Variants in VWC2L observed in about 807,000 individuals in gnomAD.
VWC2L encodes the protein von Willebrand factor C domain containing 2 like.
Under a neutral mutation model 21.6 loss-of-function variants are expected in VWC2L, and 10 were observed. That is an observed-to-expected ratio of 0.46 (90% CI 0.29 to 0.78). The LOEUF (loss-of-function observed/expected upper bound fraction) is 0.78. Among genes scored for constraint, VWC2L ranks in the 30% least tolerant of loss-of-function variants. The pLI, the probability that VWC2L is intolerant of heterozygous loss-of-function variation, is 0.10. For synonymous variants in VWC2L, 96 were observed against 94.3 expected (o/e 1.02, Z -0.10); for missense variants, 209 against 277.1 (o/e 0.75, Z 1.74).
intron 3 of VWC2L, among the ~76,000 whole-genome samples, chr2:214,525,661 A>G (rs532857059): frequency 1.3e-5 from 2 of 152,340 alleles, no homozygotes; most frequent in African/African-American, 4.8e-5. Flanking sequence ...CCATGCTCCC[A>G]GATCCATCAG....
At chr2:214,482,486 T>G (rs1688616344) in intron 3 of VWC2L, among the ~76,000 whole-genome samples, 1 of 151,352 alleles carries the variant, frequency 6.6e-6, no homozygotes, top group African/African-American at 2.4e-5. Context: ...CGTGTATGTA[T>G]GTATGTATGT....
intron 3 of VWC2L, among the ~76,000 whole-genome samples, chr2:214,496,053 A>G (rs1369857495): frequency 6.6e-6 from 1 of 152,076 alleles, no homozygotes; most frequent in Non-Finnish European, 1.5e-5. Context: ...AGCTTACTAC[A>G]CACTTACGCT....
intron 3 of VWC2L, among the ~76,000 whole-genome samples, chr2:214,539,858 A>AT (rs894785355): frequency 6.6e-6 from 1 of 152,182 alleles, no homozygotes; most frequent in Non-Finnish European, 1.5e-5. Flanking sequence ...CACTAAAATA[A>AT]TTTTTTAAAG....
intron 3 of VWC2L, among the ~76,000 whole-genome samples, chr2:214,454,984 A>G (rs1289013024): frequency 2.0e-5 from 3 of 152,120 alleles, no homozygotes; most frequent in African/African-American, 7.2e-5. Flanking sequence ...TTAATTTGCA[A>G]AAAATTTTTT....
chr2:214,484,651 T>C (rs1245499733), intron 3 of VWC2L, among the ~76,000 whole-genome samples: 1 of 152,222 alleles, frequency 6.6e-6, no homozygotes, highest in Non-Finnish European at 1.5e-5. Flanking sequence ...TTTTAAGATA[T>C]GGCATCGGGC....
At chr2:214,538,210 G>A (rs79571027) in intron 3 of VWC2L, among the ~76,000 whole-genome samples, 1 of 151,956 alleles carries the variant, frequency 6.6e-6, no homozygotes, top group African/African-American at 2.4e-5. Flanking sequence ...ACCGCTAAAT[G>A]GCTCTTCATG....
At chr2:214,442,696 C>A (rs1702779326) in intron 3 of VWC2L, among the ~76,000 whole-genome samples, 1 of 151,362 alleles carries the variant, frequency 6.6e-6, no homozygotes, top group Non-Finnish European at 1.5e-5. Flanking sequence ...AAAAATAATC[C>A]TAATTTTATT....
At chr2:214,527,665 T>C (rs536361788) in intron 3 of VWC2L, among the ~76,000 whole-genome samples, 2 of 152,292 alleles carry the variant, frequency 1.3e-5, no homozygotes, top group African/African-American at 4.8e-5. Context: ...TGGTAAGAGA[T>C]GGTAAAGGAG....
intron 3 of VWC2L, among the ~76,000 whole-genome samples, chr2:214,528,033 A>G (rs182592154): frequency 6.5e-4 from 99 of 152,358 alleles, no homozygotes; most frequent in Non-Finnish European, 1.1e-3. Flanking sequence ...GTGAATAGTA[A>G]CAGAGGAAAC....
intron 3 of VWC2L, among the ~76,000 whole-genome samples, chr2:214,538,780 C>T (rs771631350): frequency 1.3e-5 from 2 of 152,032 alleles, no homozygotes; most frequent in Non-Finnish European, 1.5e-5. Context: ...CTACTGTTCA[C>T]ATTTTGATAC....
intron 3 of VWC2L, among the ~76,000 whole-genome samples, chr2:214,517,568 T>C (rs773723593): frequency 1.4e-4 from 22 of 152,214 alleles, no homozygotes; most frequent in African/African-American, 3.4e-4. Context: ...TGGCAAAACA[T>C]TGACCTAGAT....
At chr2:214,455,627 C>T (rs1407116328) in intron 3 of VWC2L, among the ~76,000 whole-genome samples, 2 of 152,160 alleles carry the variant, frequency 1.3e-5, no homozygotes, top group Non-Finnish European at 2.9e-5. Flanking sequence ...TGCTGTCAAA[C>T]ATTAGAACTT....
intron 3 of VWC2L, among the ~76,000 whole-genome samples, chr2:214,447,572 G>C (rs964609178): frequency 6.6e-6 from 1 of 152,078 alleles, no homozygotes; most frequent in South Asian, 2.1e-4. Flanking sequence ...ACCATACCCT[G>C]AACTGGTTTT....
intron 3 of VWC2L, among the ~76,000 whole-genome samples, chr2:214,511,579 G>T (rs144429542): frequency 2.8e-3 from 432 of 152,182 alleles, no homozygotes; most frequent in African/African-American, 9.0e-3. Flanking sequence ...AAGGAGAGTT[G>T]TCATTAGAAA....
At chr2:214,514,781 T>C (rs1689114737) in intron 3 of VWC2L, among the ~76,000 whole-genome samples, 2 of 152,214 alleles carry the variant, frequency 1.3e-5, no homozygotes, top group Non-Finnish European at 2.9e-5. Flanking sequence ...TTGGTGAAAA[T>C]GTGTTATCCC....
At chr2:214,474,197 C>T (rs1688465507) in intron 3 of VWC2L, among the ~76,000 whole-genome samples, 1 of 151,936 alleles carries the variant, frequency 6.6e-6, no homozygotes, top group Non-Finnish European at 1.5e-5. Flanking sequence ...ACATTGAAGG[C>T]ATGTTATTTT....
At position 214,576,877 on chromosome 2, in the gene VWC2L, C is replaced by G. The variant is rs1690238069; in HGVS notation, c.*1057C>G. 6.8e-6 allele frequency: 1 copy of G among 147,816 alleles called. No individual in the cohort carries two copies. The highest frequency in any genetic ancestry group is 2.6e-5 in the African/African-American group (1 of 38,254). The allele number at this position is 147,816 out of a possible 1,614,324, so 9.2% of individuals were successfully genotyped here. A position where few individuals can be genotyped will look rare whatever the true frequency, so the allele number is the denominator to read the frequency against. ...CTATGTCTGAAACACAGATTCAGGA[C>G]ACCCTTTCCACCTCAAGTGCTGATT... On this transcript the variant is annotated 3_prime_UTR_variant, in exon 4 of 4. Coordinates refer to ENST00000312504, the MANE Select transcript of VWC2L (RefSeq NM_001080500.4).
chr2:214,411,101 A>G lies in VWC2L; in HGVS notation c.-766A>G, dbSNP rs1702261538. On this transcript the variant is annotated 5_prime_UTR_variant, in exon 1 of 4. Coordinates refer to ENST00000312504, the MANE Select transcript of VWC2L (RefSeq NM_001080500.4). ...GGATTTCGACAGAGCTGGGCTCAGA[A>G]GCCAGTTGTTGGCGCTGTCCGTGGT... 6.6e-6 allele frequency: 1 copy of G among 152,228 alleles called. No homozygotes were observed. Among genetic ancestry groups the G allele is most frequent in the Non-Finnish European group, 1.5e-5 (1 of 68,080 alleles). 9.4% of individuals were successfully genotyped at this position (152,228 alleles called of 1,614,324 possible). A position where few individuals can be genotyped will look rare whatever the true frequency, so the allele number is the denominator to read the frequency against.
At chr2:214,531,256 C>T (rs549391720) in intron 3 of VWC2L, among the ~76,000 whole-genome samples, 1 of 152,214 alleles carries the variant, frequency 6.6e-6, no homozygotes, top group African/African-American at 2.4e-5. Flanking sequence ...GGACTTTTGA[C>T]GAGTAAACGC....
Sources: allele counts gnomAD v4.1 joint callset (sites outside exome capture counted in the v4.1 genomes callset), GRCh38; gene constraint gnomAD v4.1.1; transcripts MANE v1.5; gene names NCBI Gene and HGNC (gene_info 2026-07-23, HGNC 2026-07-21).